FAM200B: variants seen among roughly 807,000 people sequenced by gnomAD.
FAM200B encodes the protein protein FAM200B.
In FAM200B, 32 loss-of-function variants were observed where a neutral mutation model predicts 33.1. That is an observed-to-expected ratio of 0.97 (90% CI 0.73 to 1.30). The LOEUF is 1.30. Among genes scored for constraint, FAM200B ranks in the 50% most tolerant of loss-of-function variants. The pLI, the probability that FAM200B is intolerant of heterozygous loss-of-function variation, is 0.00. For synonymous variants in FAM200B, 240 were observed against 264.8 expected, an observed-to-expected ratio of 0.91 and a Z score of 0.91; for missense variants, 741 against 754.0, an observed-to-expected ratio of 0.98 and a Z score of 0.20.
the FAM200B span, among the ~76,000 whole-genome samples, chr4:15,637,677 A>G: frequency 2.0e-5 from 3 of 152,192 alleles, no homozygotes; most frequent in African/African-American, 7.2e-5. Flanking sequence ...TCTAAAGCAC[A>G]AGCTACATTT....
At chr4:15,645,318 G>A in the FAM200B span, among the ~76,000 whole-genome samples, 9,772 of 152,052 alleles carry the variant, frequency 0.064, 548 homozygotes, top group East Asian at 0.23. Context: ...AAAGTAGTGC[G>A]GATTATGCAT....
chr4:15,681,270 T>A (rs542448556), upstream of FAM200B: 1 of 152,920 alleles, frequency 6.5e-6, no homozygotes, highest in Non-Finnish European at 1.5e-5. Context: ...ACAAAGACTA[T>A]GAAAATCACC....
chr4:15,684,411 A>G (rs2148856772), intron 1 of FAM200B, among the ~76,000 whole-genome samples: 1 of 152,324 alleles, frequency 6.6e-6, no homozygotes, highest in East Asian at 1.9e-4. Flanking sequence ...GTCAAACAAA[A>G]GACTTTGTAG....
In FAM200B at chr4:15,687,879, C is replaced by A; in HGVS notation, c.902C>A (p.Thr301Asn). Reference sequence around the variant, plus strand: ...GGAATTACAAGTGATGGCACAGCAACCATGACTGGAAAACATAGCAGAGTA... The same window carrying A: ...GGAATTACAAGTGATGGCACAGCAAACATGACTGGAAAACATAGCAGAGTA... Reference protein sequence around the residue: ...CKGITSDGTATMTGKHSRVIK... With the variant: ...CKGITSDGTANMTGKHSRVIK... Residue 301 changes from threonine to asparagine, a missense_variant, in exon 2 of 2, where the codon ACC becomes AAC. Physicochemically the swap from Thr to Asn is moderately conservative, Grantham distance 65. Coordinates refer to ENST00000422728, the MANE Select transcript of FAM200B (RefSeq NM_001145191.2). 6.4e-7 allele frequency: 1 copy of A among 1,551,076 alleles called. No homozygotes were observed. The highest frequency in any genetic ancestry group is 8.7e-7 in the Non-Finnish European group (1 of 1,146,646).
chr4:15,668,237 C>T, the FAM200B span, among the ~76,000 whole-genome samples: 2 of 150,646 alleles, frequency 1.3e-5, no homozygotes, highest in African/African-American at 4.9e-5. Flanking sequence ...TGTCAAAACA[C>T]ATTATCTAGT....
chr4:15,646,929 T>C, the FAM200B span, among the ~76,000 whole-genome samples: 44 of 151,224 alleles, frequency 2.9e-4, no homozygotes, highest in African/African-American at 1.0e-3. Flanking sequence ...CAACCAACTG[T>C]GGATTGAAAA....
chr4:15,643,133 AT>A, the FAM200B span, among the ~76,000 whole-genome samples: 1 of 152,184 alleles, frequency 6.6e-6, no homozygotes, highest in South Asian at 2.1e-4. Context: ...CCTTCTATTA[AT>A]ATTACTATCT....
Position 15,687,467 on chromosome 4 carries a change from A to G in FAM200B, c.490A>G (p.Asn164Asp). 2.6e-6 allele frequency: 4 copies of G among 1,551,212 alleles called. No homozygotes were observed. The highest frequency in any genetic ancestry group is 3.5e-6 in the Non-Finnish European group (4 of 1,146,752). Reference protein sequence around the residue: ...AYRVAKEKIANTAAEKIILPA... With the variant: ...AYRVAKEKIADTAAEKIILPA... ...TCGTGTGGCAAAAGAGAAAATAGCT[A>G]ACACAGCTGCTGAAAAAATTATTCT... Residue 164 changes from asparagine to aspartate, a missense_variant, in exon 2 of 2, where the codon AAC becomes GAC. Asn to Asp is a conservative substitution (Grantham distance 23, BLOSUM62 1). Transcript: ENST00000422728.
Position 15,688,252 on chromosome 4 carries a change from G to T in FAM200B, c.1275G>T (p.Trp425Cys). ...HLASIFEDDT[W>C]VTKLAYLTDI... ...CAAGTATTTTTGAAGATGATACTTG[G>T]GTAACAAAATTGGCATATTTAACTG... is the stretch of plus-strand genomic sequence containing the variant. The change falls in exon 2 of 2, where the codon TGG (tryptophan) becomes TGT (cysteine). Residue 425 changes from tryptophan to cysteine, a missense_variant. Coordinates refer to ENST00000422728, the MANE Select transcript of FAM200B (RefSeq NM_001145191.2). 1 of 1,548,840 alleles carries T rather than the reference G, an allele frequency of 6.5e-7. No homozygotes were observed. Among genetic ancestry groups the T allele is most frequent in the African/African-American group, 1.4e-5 (1 of 73,032 alleles).
upstream of FAM200B, among the ~76,000 whole-genome samples, chr4:15,678,725 T>A (rs1381644170): frequency 6.6e-6 from 1 of 152,232 alleles, no homozygotes; most frequent in Non-Finnish European, 1.5e-5. Flanking sequence ...CAAATCAGCT[T>A]TTAATTATAA....
chr4:15,647,271 TA>T, the FAM200B span, among the ~76,000 whole-genome samples: 2 of 19,786 alleles, frequency 1.0e-4, no homozygotes, highest in Non-Finnish European at 1.9e-4. Flanking sequence ...AAAATAAAAA[TA>T]AACAACAACA....
the FAM200B span, among the ~76,000 whole-genome samples, chr4:15,672,361 A>C: frequency 0.24 from 36,684 of 152,118 alleles, 4,659 homozygotes; most frequent in African/African-American, 0.28. Flanking sequence ...GTTCTGAGGA[A>C]TGCACCTTTA....
At chr4:15,637,091 T>G in the FAM200B span, among the ~76,000 whole-genome samples, 3 of 152,304 alleles carry the variant, frequency 2.0e-5, no homozygotes, top group South Asian at 6.2e-4. Context: ...CACACACAAA[T>G]CTCATGACCT....
chr4:15,683,051 C>T (rs1323306985), intron 1 of FAM200B, among the ~76,000 whole-genome samples: 1 of 152,110 alleles, frequency 6.6e-6, no homozygotes, highest in Admixed American at 6.5e-5. Flanking sequence ...TGATACAGCG[C>T]ACTAGAGATA....
chr4:15,655,150 C>G, the FAM200B span: 1 of 1,307,738 alleles, frequency 7.6e-7, no homozygotes, highest in Non-Finnish European at 1.0e-6. Flanking sequence ...GAACCCAGCC[C>G]GCTCCCCATC....
At chr4:15,661,127 G>A in the FAM200B span, among the ~76,000 whole-genome samples, 1 of 151,720 alleles carries the variant, frequency 6.6e-6, no homozygotes, top group East Asian at 1.9e-4. Flanking sequence ...TTTTATTTGT[G>A]TAACCAATTT....
intron 1 of FAM200B, among the ~76,000 whole-genome samples, chr4:15,683,762 G>A (rs79686577): frequency 0.091 from 13,856 of 152,012 alleles, 787 homozygotes; most frequent in Non-Finnish European, 0.13. Context: ...ATTAGCCTTC[G>A]TCTTACATAT....
At chr4:15,640,633 T>C in the FAM200B span, among the ~76,000 whole-genome samples, 8 of 152,006 alleles carry the variant, frequency 5.3e-5, no homozygotes, top group Non-Finnish European at 7.4e-5. Context: ...ACGTTTTTTT[T>C]TTCCCTTGGG....
the FAM200B span, among the ~76,000 whole-genome samples, chr4:15,644,323 C>T: frequency 6.6e-6 from 1 of 152,174 alleles, no homozygotes; most frequent in African/African-American, 2.4e-5. Flanking sequence ...CTGCAAACTC[C>T]CCACTGCAGT....
Sources: allele counts gnomAD v4.1 joint callset (sites outside exome capture counted in the v4.1 genomes callset), GRCh38; gene constraint gnomAD v4.1.1; transcripts MANE v1.5; gene names NCBI Gene and HGNC (gene_info 2026-07-23, HGNC 2026-07-21).